Variants in IMMP2L observed in about 807,000 individuals in gnomAD.
IMMP2L encodes the protein mitochondrial inner membrane protease subunit 2.
In IMMP2L, 18 loss-of-function variants were observed where a neutral mutation model predicts 19.3. The ratio of observed to expected loss-of-function variants is 0.93; its 90% CI spans 0.64 to 1.38. The LOEUF (loss-of-function observed/expected upper bound fraction) is 1.38, where lower values mean the gene tolerates loss of function less well. Ranked by LOEUF, IMMP2L falls within the 40% of genes most tolerant of loss-of-function variation. The pLI is 0.00. For synonymous variants in IMMP2L, 76 were observed against 73.0 expected (o/e 1.04, Z -0.21); for missense variants, 233 against 218.2 (o/e 1.07, Z -0.43).
At position 110,663,606 on chromosome 7, in the gene IMMP2L, T is replaced by G. The variant is rs1417315368; in HGVS notation, c.524A>C (p.Glu175Ala). 1.2e-6 allele frequency: 2 copies of G among 1,613,548 alleles called. No individual in the cohort carries two copies. Among genetic ancestry groups the G allele is most frequent in the African/African-American group, 2.7e-5 (2 of 74,904 alleles). Residue 175 changes from glutamate to alanine, a missense_variant, in exon 6 of 6, where the codon GAA (glutamate) becomes GCA (alanine). Transcript: ENST00000405709. ...AACTCAGGTAGATTCATGCAGTCAT[T>G]CCTCTTCTCTCTGTACTGGTAAGCG... The part of the protein sequence containing the change: ...PERLPVQREE[E>A]
At chr7:110,992,325 C>T (rs1199706786) in intron 3 of IMMP2L, among the ~76,000 whole-genome samples, 1 of 151,928 alleles carries the variant, frequency 6.6e-6, no homozygotes, top group Non-Finnish European at 1.5e-5. Flanking sequence ...TACCAAACTA[C>T]TTATTTAACA....
intron 3 of IMMP2L, among the ~76,000 whole-genome samples, chr7:111,317,391 G>A (rs1341637939): frequency 6.6e-6 from 1 of 152,046 alleles, no homozygotes; most frequent in African/African-American, 2.4e-5. Context: ...AGCTTAATAT[G>A]GTTTGGCTGA....
intron 4 of IMMP2L, among the ~76,000 whole-genome samples, chr7:110,902,479 A>AAT (rs67367468): frequency 0.018 from 2,571 of 140,494 alleles, 44 homozygotes; most frequent in African/African-American, 0.041. Flanking sequence ...TGAATGATAA[A>AAT]ATATATATAT....
chr7:111,236,254 T>C lies in IMMP2L; in HGVS notation c.239+250984A>G, dbSNP rs1562955985. Among the ~76,000 whole-genome samples, 10 of 152,252 alleles carry C rather than the reference T, an allele frequency of 6.6e-5. 1 individual carries two copies. On this transcript the variant is annotated intron_variant, in intron 3 of 5. Coordinates refer to ENST00000405709, the MANE Select transcript of IMMP2L (RefSeq NM_032549.4). ...GCTTCCAAACATGATTTTCACCTTT[T>C]GGGGTGCTACATATTCTTGTGTCCT... is the stretch of plus-strand genomic sequence containing the variant.
intron 5 of IMMP2L, among the ~76,000 whole-genome samples, chr7:110,695,161 A>T (rs769523688): frequency 1.9e-4 from 29 of 152,140 alleles, no homozygotes; most frequent in Non-Finnish European, 3.7e-4. Flanking sequence ...CATCATAAAA[A>T]TGTTTGATGA....
intron 5 of IMMP2L, among the ~76,000 whole-genome samples, chr7:110,882,841 T>C (rs564279038): frequency 6.6e-6 from 1 of 152,082 alleles, no homozygotes; most frequent in East Asian, 1.9e-4. Context: ...AGATACTAAA[T>C]TGCTTAAAAT....
At chr7:111,115,486 T>C (rs140531280) in intron 3 of IMMP2L, among the ~76,000 whole-genome samples, 3 of 152,046 alleles carry the variant, frequency 2.0e-5, no homozygotes, top group Non-Finnish European at 2.9e-5. Context: ...TACCCCAATA[T>C]GAAATGTGCC....
At chr7:111,188,520 C>T (rs889288399) in intron 3 of IMMP2L, among the ~76,000 whole-genome samples, 8 of 151,962 alleles carry the variant, frequency 5.3e-5, no homozygotes, top group African/African-American at 1.9e-4. Flanking sequence ...CTCCCAAAGG[C>T]TCCACCTCCT....
intron 3 of IMMP2L, among the ~76,000 whole-genome samples, chr7:111,055,411 G>A (rs1345900318): frequency 6.6e-6 from 1 of 152,176 alleles, no homozygotes; most frequent in Non-Finnish European, 1.5e-5. Context: ...ACCTCAGAAG[G>A]CAGAGCTCTC....
chr7:111,054,109 C>T (rs1314544587), intron 3 of IMMP2L, among the ~76,000 whole-genome samples: 2 of 152,140 alleles, frequency 1.3e-5, no homozygotes, highest in South Asian at 2.1e-4. Flanking sequence ...AAAACCACCA[C>T]AATATGTGAA....
chr7:111,361,607 G>A (rs562476781), intron 3 of IMMP2L, among the ~76,000 whole-genome samples: 2 of 152,160 alleles, frequency 1.3e-5, no homozygotes, highest in African/African-American at 4.8e-5. Context: ...TTGTTCAAGG[G>A]ACTATGTTGA....
chr7:110,884,537 A>T (rs964010017), intron 5 of IMMP2L, among the ~76,000 whole-genome samples: 1 of 152,102 alleles, frequency 6.6e-6, no homozygotes, highest in African/African-American at 2.4e-5. Context: ...GACATTTTCC[A>T]TCATTGTGCA....
chr7:111,445,557 T>C (rs866240078), intron 3 of IMMP2L, among the ~76,000 whole-genome samples: 2 of 152,116 alleles, frequency 1.3e-5, no homozygotes, highest in African/African-American at 2.4e-5. Context: ...AATGGAGAAT[T>C]AGAATTCAAG....
chr7:111,217,118 T>TCACA (rs1160755759), intron 3 of IMMP2L, among the ~76,000 whole-genome samples: 96 of 144,464 alleles, frequency 6.6e-4, no homozygotes, highest in African/African-American at 1.5e-3. Context: ...TCTCTCTCTC[T>TCACA]CTCTCTCTCA....
chr7:111,468,549 G>C (rs1172096083), intron 3 of IMMP2L, among the ~76,000 whole-genome samples: 2 of 151,998 alleles, frequency 1.3e-5, no homozygotes, highest in Non-Finnish European at 2.9e-5. Flanking sequence ...AGAATGTCTA[G>C]AGTTAAAGAT....
At chr7:110,764,191 T>C (rs1246307527) in intron 5 of IMMP2L, among the ~76,000 whole-genome samples, 2 of 152,216 alleles carry the variant, frequency 1.3e-5, no homozygotes, top group Non-Finnish European at 2.9e-5. Context: ...TTCTGGCAAA[T>C]GAAAGGGCTC....
intron 3 of IMMP2L, among the ~76,000 whole-genome samples, chr7:111,383,507 G>T (rs117111479): frequency 6.6e-6 from 1 of 152,082 alleles, no homozygotes; most frequent in East Asian, 1.9e-4. Flanking sequence ...CCAGAAAACC[G>T]AGCTACGCCT....
chr7:111,496,061 T>C (rs1277364908), intron 2 of IMMP2L, among the ~76,000 whole-genome samples: 2 of 152,176 alleles, frequency 1.3e-5, no homozygotes, highest in African/African-American at 4.8e-5. Context: ...TGATTTAGAC[T>C]TTTTAACACT....
chr7:110,668,384 C>A (rs948775890), intron 5 of IMMP2L, among the ~76,000 whole-genome samples: 2 of 152,200 alleles, frequency 1.3e-5, no homozygotes, highest in Admixed American at 6.5e-5. Flanking sequence ...TGGAAAACAG[C>A]TGGTCTCCAT....
Sources: gnomAD v4.1 joint callset for allele counts (sites outside exome capture counted in the v4.1 genomes callset) on GRCh38, gnomAD v4.1.1 for gene constraint, MANE v1.5 for transcripts, NCBI Gene and HGNC (gene_info 2026-07-23, HGNC 2026-07-21) for gene names.